Variants in UTS2 observed in about 807,000 individuals in gnomAD.
UTS2 encodes the protein urotensin-2.
In UTS2, 10 loss-of-function variants were observed where a neutral mutation model predicts 12.6. The observed-to-expected ratio is 0.80, with a 90% CI of 0.49 to 1.35. The LOEUF (loss-of-function observed/expected upper bound fraction) is 1.35, where lower values mean the gene tolerates loss of function less well. UTS2 is among the 40% of genes most tolerant of loss of function. The probability of loss-of-function intolerance (pLI) is 0.00; values close to 1 mark genes in which losing one functional copy is unlikely to be tolerated. For missense variants in UTS2, 142 were observed against 143.2 expected (o/e 0.99, Z 0.04); for synonymous variants, 52 against 50.0 (o/e 1.04, Z -0.17).
chr1:7,862,067 C>A, the UTS2 span, among the ~76,000 whole-genome samples: 8 of 152,096 alleles, frequency 5.3e-5, no homozygotes, highest in African/African-American at 1.9e-4. Flanking sequence ...GGCTGCCCAC[C>A]ACGCCCGGCT....
rs34305100 is a variant in UTS2, at chr1:7,852,969, A to G, written c.35T>C (p.Ile12Thr). 0.17 allele frequency: 267,789 copies of G among 1,612,920 alleles called. 25,102 individuals are homozygous for G. Among genetic ancestry groups the G allele is most frequent in the Non-Finnish European group, 0.19 (221,626 of 1,179,450 alleles). ...YKLASCCLLFIGFLNPLLSLP... is the reference protein window; with the variant it reads ...YKLASCCLLFTGFLNPLLSLP... Reference sequence around the variant, plus strand: ...AGATAAGAGAGGATTTAAGAATCCTATGAAAAGCAAACAGCAGGAGGCCAG... The same window carrying G: ...AGATAAGAGAGGATTTAAGAATCCTGTGAAAAGCAAACAGCAGGAGGCCAG... The change falls in exon 1 of 4, where the codon ATA (isoleucine) becomes ACA (threonine). Residue 12 changes from isoleucine to threonine, a missense_variant. Transcript: ENST00000361696.
the UTS2 span, among the ~76,000 whole-genome samples, chr1:7,900,744 G>A: frequency 2.0e-5 from 3 of 152,052 alleles, no homozygotes; most frequent in East Asian, 3.9e-4. Context: ...TCATGCTACT[G>A]CACTCCAACC....
the UTS2 span, among the ~76,000 whole-genome samples, chr1:7,862,988 G>GTAC: frequency 3.6e-5 from 1 of 28,004 alleles, no homozygotes; most frequent in African/African-American, 1.2e-4. Context: ...TTATTGTGTT[G>GTAC]TGTTGTATTG....
At chr1:7,863,054 T>C in the UTS2 span, among the ~76,000 whole-genome samples, 1 of 66,318 alleles carries the variant, frequency 1.5e-5, no homozygotes, top group African/African-American at 5.6e-5. Context: ...TATTGTATTG[T>C]ATTGTATTGT....
In UTS2 at chr1:7,852,902, T is replaced by C; in HGVS notation, c.102A>G (p.Ser34=). The change falls in exon 1 of 4, where the codon TCA becomes TCG. Residue 34 remains serine (S), a splice_region_variant and synonymous_variant. Transcript: ENST00000361696. The part of the protein sequence containing the change: ...LDSREISFQL[S]APHEDARLTP... ...ATAAGGGGAAAAAAAAAATCTTACC[T>C]GAGAGTTGAAAGGATATTTCCCTGG... 1 of 1,601,290 alleles carries C rather than the reference T, an allele frequency of 6.2e-7. No individual in the cohort carries two copies. The highest frequency in any genetic ancestry group is 8.5e-7 in the Non-Finnish European group (1 of 1,176,148).
chr1:7,877,105 G>A, the UTS2 span, among the ~76,000 whole-genome samples: 1 of 130,774 alleles, frequency 7.6e-6, no homozygotes, highest in African/African-American at 2.9e-5. Flanking sequence ...CTCCAGCCTG[G>A]CCAACAGAGT....
chr1:7,886,201 C>T, the UTS2 span, among the ~76,000 whole-genome samples: 1 of 152,260 alleles, frequency 6.6e-6, no homozygotes, highest in East Asian at 1.9e-4. Context: ...TCAAAACCCC[C>T]GGCTGTCTCC....
chr1:7,848,810 C>T (rs1016884154), intron 3 of UTS2, among the ~76,000 whole-genome samples: 4 of 152,174 alleles, frequency 2.6e-5, no homozygotes, highest in Admixed American at 1.3e-4. Context: ...AGCCACCGCA[C>T]CCGGCCTTCT....
At chr1:7,901,854 C>T in the UTS2 span, among the ~76,000 whole-genome samples, 7 of 152,154 alleles carry the variant, frequency 4.6e-5, 2 homozygotes, top group African/African-American at 1.7e-4. Context: ...CAGCAGATCA[C>T]GGAACGTGTG....
chr1:7,870,544 G>A, the UTS2 span, among the ~76,000 whole-genome samples: 14 of 152,164 alleles, frequency 9.2e-5, no homozygotes, highest in Admixed American at 4.6e-4. Context: ...TAAATTCTGC[G>A]TAGTGCATCA....
At chr1:7,904,065 A>C in the UTS2 span, among the ~76,000 whole-genome samples, 2 of 152,160 alleles carry the variant, frequency 1.3e-5, no homozygotes, top group Non-Finnish European at 2.9e-5. Flanking sequence ...ATCTTAGAAT[A>C]ATTTTTTAAA....
In UTS2 at chr1:7,847,844, C is replaced by T; in HGVS notation, c.297G>A (p.Leu99=). ...TCCAGATTCTGGCCAAAAGATGACT[C>T]AGTAAAATGTTAGGATCTTGTCCAG... ...DFSGQDPNIL[L]SHLLARIWKP... Residue 99 remains leucine, a synonymous_variant, in exon 4 of 4, where the codon CTG becomes CTA. Transcript: ENST00000361696. The T allele has an allele frequency of 6.2e-7, 1 of 1,613,482 alleles. No homozygotes were observed. Among genetic ancestry groups the T allele is most frequent in the Non-Finnish European group, 8.5e-7 (1 of 1,179,858 alleles).
At chr1:7,877,126 C>CAAAAAAAAAAAAA in the UTS2 span, among the ~76,000 whole-genome samples, 1 of 62,784 alleles carries the variant, frequency 1.6e-5, no homozygotes, top group East Asian at 5.2e-4. Context: ...GAGACTCTAT[C>CAAAAAAAAAAAAA]AAAAAAAAAA....
the UTS2 span, among the ~76,000 whole-genome samples, chr1:7,866,413 C>CA: frequency 1.3e-5 from 2 of 152,164 alleles, no homozygotes; most frequent in Non-Finnish European, 2.9e-5. The surrounding 1 kb of genome is among the most constrained non-coding windows in gnomAD (Gnocchi z 4.5). Flanking sequence ...GCTGGGTTCC[C>CA]ATGGGGCAAG....
intron 2 of UTS2, among the ~76,000 whole-genome samples, chr1:7,850,314 A>G (rs2097412689): frequency 1.3e-5 from 2 of 152,088 alleles, no homozygotes; most frequent in South Asian, 2.1e-4. Flanking sequence ...ATATGTGTCA[A>G]TGCTTGGGGG....
chr1:7,904,293 A>G, the UTS2 span, among the ~76,000 whole-genome samples: 2 of 149,030 alleles, frequency 1.3e-5, no homozygotes, highest in Admixed American at 1.3e-4. Context: ...CAATGGGACC[A>G]GGTCTCTACA....
At chr1:7,903,609 C>T in the UTS2 span, among the ~76,000 whole-genome samples, 3 of 151,926 alleles carry the variant, frequency 2.0e-5, no homozygotes, top group African/African-American at 4.8e-5. Flanking sequence ...AGGCTGGTCT[C>T]GAACTCCTGG....
At chr1:7,893,968 A>T in the UTS2 span, among the ~76,000 whole-genome samples, 1 of 152,040 alleles carries the variant, frequency 6.6e-6, no homozygotes, top group African/African-American at 2.4e-5. Flanking sequence ...CTAGAGAGAG[A>T]ATTCGGGTCT....
chr1:7,884,854 TCCATCCATCCACCCACCCATCCATCCAC>T, the UTS2 span, among the ~76,000 whole-genome samples: 2 of 151,072 alleles, frequency 1.3e-5, no homozygotes, highest in African/African-American at 4.9e-5. Flanking sequence ...CCACCATCTA[TCCATCCATCCACCCACCCATCCATCCAC>T]CCATCCATCC....
Sources: allele counts gnomAD v4.1 joint callset (sites outside exome capture counted in the v4.1 genomes callset), GRCh38; gene constraint gnomAD v4.1.1; non-coding constraint Gnocchi (gnomAD v3.1); transcripts MANE v1.5; gene names NCBI Gene and HGNC (gene_info 2026-07-23, HGNC 2026-07-21).